Variants in OLFM3 observed in about 807,000 individuals in gnomAD.
OLFM3 encodes the protein noelin-3.
In OLFM3, 20 loss-of-function variants were observed where a neutral mutation model predicts 48.6. The observed-to-expected ratio is 0.41, with a 90% CI of 0.29 to 0.60. The LOEUF (loss-of-function observed/expected upper bound fraction) is 0.60, where lower values mean the gene tolerates loss of function less well. Ranked by LOEUF, OLFM3 falls within the 20% of genes least tolerant of loss-of-function variation. OLFM3 has a pLI of 0.28. For synonymous variants in OLFM3, 222 were observed against 198.1 expected (o/e 1.12, Z -1.01); for missense variants, 437 against 544.3 (o/e 0.80, Z 1.96).
In OLFM3 at chr1:101,857,489, T is replaced by C. The variant is rs749491940; in HGVS notation, c.70-20464A>G. Among the ~76,000 whole-genome samples the C allele has an allele frequency of 5.9e-5, 9 of 151,988 alleles. 1 individual carries two copies. The highest frequency in any genetic ancestry group is 1.9e-4 in the African/African-American group (8 of 41,338). On this transcript the variant is annotated intron_variant, in intron 1 of 5. Coordinates refer to ENST00000370103, the MANE Select transcript of OLFM3 (RefSeq NM_058170.4). ...TATCAGGTCTCTGCAAAGAGACATATATACATTATATAAACATTGTAACGT... is the reference window on the plus strand; with the variant it reads ...TATCAGGTCTCTGCAAAGAGACATACATACATTATATAAACATTGTAACGT...
At chr1:101,822,109 A>G (rs1459429623) in intron 4 of OLFM3, among the ~76,000 whole-genome samples, 1 of 151,996 alleles carries the variant, frequency 6.6e-6, no homozygotes, top group Non-Finnish European at 1.5e-5. Context: ...TTTGTCCAAA[A>G]TATCGGAAGA....
At chr1:101,807,607 G>A (rs1342350941) in intron 4 of OLFM3, among the ~76,000 whole-genome samples, 5 of 151,824 alleles carry the variant, frequency 3.3e-5, no homozygotes, top group Admixed American at 2.6e-4. Flanking sequence ...AAGCTTTGCA[G>A]TTAGGAAGAT....
chr1:101,922,034 G>T (rs2101039120), intron 1 of OLFM3, among the ~76,000 whole-genome samples: 1 of 152,118 alleles, frequency 6.6e-6, no homozygotes, highest in Admixed American at 6.5e-5. Context: ...ACTCCAGCCT[G>T]GGTAATAGAG....
intron 1 of OLFM3, among the ~76,000 whole-genome samples, chr1:101,924,266 A>G (rs918274386): frequency 6.6e-6 from 1 of 152,184 alleles, no homozygotes; most frequent in African/African-American, 2.4e-5. Flanking sequence ...TGGCCTTTTC[A>G]GTACGTTTGC....
intron 4 of OLFM3, among the ~76,000 whole-genome samples, chr1:101,808,284 G>T (rs1653877014): frequency 6.6e-6 from 1 of 151,656 alleles, no homozygotes; most frequent in Non-Finnish European, 1.5e-5. Flanking sequence ...AAGAAAAAAA[G>T]CAAAGCAAAG....
At chr1:101,955,240 T>G (rs1395740784) in intron 1 of OLFM3, among the ~76,000 whole-genome samples, 2 of 151,976 alleles carry the variant, frequency 1.3e-5, no homozygotes, top group East Asian at 3.8e-4. Context: ...CTGAACATTA[T>G]CATGATGCCA....
intron 1 of OLFM3, chr1:101,847,084 C>T (rs1236663242): frequency 3.5e-6 from 5 of 1,421,022 alleles, no homozygotes; most frequent in Admixed American, 2.3e-5. Context: ...AAGAGATCAA[C>T]TTCCCCAGCT....
intron 1 of OLFM3, among the ~76,000 whole-genome samples, chr1:101,967,457 T>C (rs1660646174): frequency 6.6e-6 from 1 of 151,914 alleles, no homozygotes; most frequent in African/African-American, 2.4e-5. Context: ...ATTTTTCCCT[T>C]ATGTAACAGT....
intron 4 of OLFM3, among the ~76,000 whole-genome samples, chr1:101,809,825 T>A (rs1443642756): frequency 6.6e-6 from 1 of 151,984 alleles, no homozygotes; most frequent in Non-Finnish European, 1.5e-5. Flanking sequence ...AATATGACAT[T>A]GGGCTTAAAG....
chr1:101,977,463 G>A (rs1660986336), intron 1 of OLFM3, among the ~76,000 whole-genome samples: 1 of 152,090 alleles, frequency 6.6e-6, no homozygotes, highest in Non-Finnish European at 1.5e-5. Context: ...CACAGCATCT[G>A]GGAGACCTGA....
intron 1 of OLFM3, among the ~76,000 whole-genome samples, chr1:101,943,877 A>C (rs1194058104): frequency 7.8e-6 from 1 of 127,688 alleles, no homozygotes; most frequent in East Asian, 2.6e-4. Context: ...AATTCATAAA[A>C]CTCTAGAAAT....
intron 1 of OLFM3, among the ~76,000 whole-genome samples, chr1:101,912,435 T>C (rs1207699006): frequency 6.6e-6 from 1 of 152,224 alleles, no homozygotes; most frequent in Non-Finnish European, 1.5e-5. Flanking sequence ...CATGGAATCT[T>C]TACAACAACC....
chr1:101,900,577 G>A (rs1658357485), intron 1 of OLFM3, among the ~76,000 whole-genome samples: 1 of 152,072 alleles, frequency 6.6e-6, no homozygotes, highest in Admixed American at 6.6e-5. Context: ...GCAAGAAAGT[G>A]TTTGGCCTGG....
At chr1:101,879,448 C>A (rs1335455106) in intron 1 of OLFM3, among the ~76,000 whole-genome samples, 1 of 151,756 alleles carries the variant, frequency 6.6e-6, no homozygotes, top group African/African-American at 2.4e-5. Context: ...ATGCTGGGCT[C>A]TATATCATTT....
chr1:101,991,405 G>A (rs964397192), intron 1 of OLFM3, among the ~76,000 whole-genome samples: 1 of 152,056 alleles, frequency 6.6e-6, no homozygotes, highest in Non-Finnish European at 1.5e-5. Context: ...CAGATGCAAA[G>A]TCTTAGTTTC....
intron 4 of OLFM3, among the ~76,000 whole-genome samples, chr1:101,824,104 TTGTG>T (rs141570598): frequency 4.0e-5 from 6 of 150,058 alleles, no homozygotes; most frequent in Middle Eastern, 3.4e-3. Flanking sequence ...AATTAATCTT[TTGTG>T]TGTGTGTGTG....
chr1:101,838,162 G>A (rs1431075754), intron 1 of OLFM3, among the ~76,000 whole-genome samples: 2 of 151,970 alleles, frequency 1.3e-5, no homozygotes, highest in East Asian at 1.9e-4. Context: ...ACGTTCAAGC[G>A]ATTCACCTGC....
chr1:101,917,404 A>G (rs1030369800), intron 1 of OLFM3, among the ~76,000 whole-genome samples: 2 of 150,990 alleles, frequency 1.3e-5, no homozygotes, highest in South Asian at 2.1e-4. Context: ...AATAAAAGCC[A>G]TAAATATATG....
intron 1 of OLFM3, among the ~76,000 whole-genome samples, chr1:101,968,564 C>T (rs1332666383): frequency 6.8e-6 from 1 of 147,884 alleles, no homozygotes; most frequent in Admixed American, 6.8e-5. Flanking sequence ...CATTAGTACC[C>T]CTTCCTCATG....
Sources: gnomAD v4.1 joint callset for allele counts (sites outside exome capture counted in the v4.1 genomes callset) on GRCh38, gnomAD v4.1.1 for gene constraint, MANE v1.5 for transcripts, NCBI Gene and HGNC (gene_info 2026-07-23, HGNC 2026-07-21) for gene names.